The following PCLO variants were observed in gnomAD, a reference collection of about 807,000 sequenced individuals.
The protein encoded by PCLO is piccolo presynaptic cytomatrix protein.
Under a neutral mutation model 427.5 loss-of-function variants are expected in PCLO, and 82 were observed. The observed-to-expected ratio is 0.19, with a 90% confidence interval of 0.16 to 0.23. PCLO has a LOEUF of 0.23. PCLO is among the 10% of genes least tolerant of loss of function. The pLI is 1.00. For synonymous variants in PCLO, 2,357 were observed against 2,155.4 expected (o/e 1.09, Z -2.59); for missense variants, 6,239 against 6,115.9 (o/e 1.02, Z -0.67).
intron 3 of PCLO, among the ~76,000 whole-genome samples, chr7:83,045,957 T>C (rs1789094314): frequency 1.3e-5 from 2 of 152,116 alleles, no homozygotes; most frequent in African/African-American, 2.4e-5. Context: ...CTCATAGTTA[T>C]GGATGTTGGA....
rs923117312 is a variant in PCLO at position 82,809,117 on chromosome 7, CT to C, written c.14792-3289del. ...TGAGCTAAATCTGCATAAAGGCAAA[CT>C]TTTTTTTAACAAATAAAGTGTATTT... On this transcript the variant is annotated intron_variant, in intron 20 of 24. Coordinates refer to ENST00000333891, the MANE Select transcript of PCLO (RefSeq NM_033026.6). Among the ~76,000 whole-genome samples the C allele has an allele frequency of 2.5e-4, 38 of 151,748 alleles. No individual in the cohort carries two copies. The South Asian group carries it at 5.6e-3, about 22-fold the overall frequency.
Position 82,914,888 on chromosome 7 carries a change from A to G in PCLO, c.13098T>C (p.Pro4366=). 1 of 1,613,654 alleles carries G rather than the reference A, an allele frequency of 6.2e-7. No individual in the cohort carries two copies. The highest frequency in any genetic ancestry group is 2.2e-5 in the East Asian group (1 of 44,796). The change falls in exon 7 of 25, where the codon CCT becomes CCC. Residue 4366 remains proline, a synonymous_variant. Coordinates refer to ENST00000333891, the MANE Select transcript of PCLO (RefSeq NM_033026.6). ...QNSEEESPLS[P]VGQPMGMARA... ...TGGCCATTCCCATTGGCTGGCCAAC[A>G]GGACTGAGTGGGCTTTCTTCTTCAG...
At chr7:83,061,692 G>C (rs1178345347) in intron 3 of PCLO, among the ~76,000 whole-genome samples, 1 of 152,024 alleles carries the variant, frequency 6.6e-6, no homozygotes, top group Non-Finnish European at 1.5e-5. Context: ...AAAAAAAATA[G>C]GATCCTTTCT....
intron 6 of PCLO, among the ~76,000 whole-genome samples, chr7:82,936,735 T>C (rs997577983): frequency 1.3e-5 from 2 of 151,610 alleles, no homozygotes; most frequent in African/African-American, 4.8e-5. Flanking sequence ...TATAGAACCA[T>C]TATTCCCAAT....
chr7:82,796,619 T>C (rs1402420677), intron 22 of PCLO, among the ~76,000 whole-genome samples: 1 of 151,840 alleles, frequency 6.6e-6, no homozygotes, highest in Non-Finnish European at 1.5e-5. Context: ...CCAAAGCATA[T>C]AATTTTCCCT....
At chr7:82,965,126 G>T (rs1250744197) in intron 4 of PCLO, among the ~76,000 whole-genome samples, 1 of 151,862 alleles carries the variant, frequency 6.6e-6, no homozygotes, top group Non-Finnish European at 1.5e-5. Context: ...AAAAAGAAAA[G>T]AATATTTTTC....
rs558395858 is a variant in PCLO, at chr7:82,840,397, C to T, written c.14097+1062G>A. On this transcript the variant is annotated intron_variant, in intron 14 of 24. Coordinates refer to ENST00000333891, the MANE Select transcript of PCLO (RefSeq NM_033026.6). ...ATTGATTTCTTTGCCTCAATGTCCT[C>T]CCTTTATAATATTTCTTGTAGGTCA... 4.6e-5 allele frequency among the ~76,000 whole-genome samples: 7 copies of T among 152,130 alleles called. No individual in the cohort carries two copies. The East Asian group carries it at 1.4e-3, about 29-fold the overall frequency.
At chr7:83,035,309 T>G (rs1430150907) in intron 3 of PCLO, among the ~76,000 whole-genome samples, 2 of 152,198 alleles carry the variant, frequency 1.3e-5, no homozygotes, top group South Asian at 2.1e-4. Context: ...TAGTTCAAGG[T>G]TGTATCTTTT....
chr7:82,807,573 C>A (rs1182567130), intron 20 of PCLO, among the ~76,000 whole-genome samples: 3 of 152,056 alleles, frequency 2.0e-5, no homozygotes, highest in Non-Finnish European at 4.4e-5. Flanking sequence ...TAGCTAGGAT[C>A]AAGTCTTGCA....
chr7:82,838,556 C>T (rs1411638857), intron 14 of PCLO, among the ~76,000 whole-genome samples: 2 of 151,750 alleles, frequency 1.3e-5, no homozygotes, highest in Non-Finnish European at 2.9e-5. Context: ...TCATTCTTTC[C>T]ACAGTGAAAA....
intron 9 of PCLO, among the ~76,000 whole-genome samples, chr7:82,899,263 A>G (rs532660084): frequency 6.6e-6 from 1 of 151,568 alleles, no homozygotes; most frequent in South Asian, 2.1e-4. Flanking sequence ...AGTCAATCAA[A>G]GTAGGATTTT....
Position 82,755,447 on chromosome 7 carries a change from T to C in PCLO, c.*3128A>G, listed in dbSNP as rs1243999553. The C allele has an allele frequency of 2.0e-5, 3 of 152,104 alleles. No homozygotes were observed. Among genetic ancestry groups the C allele is most frequent in the African/African-American group, 2.4e-5 (1 of 41,432 alleles). The allele number at this position is 152,104 out of a possible 1,614,324, so 9.4% of individuals were successfully genotyped here. A position where few individuals can be genotyped will look rare whatever the true frequency, so the allele number is the denominator to read the frequency against. ...TTGTGTCTGTAATGACTATTCTATATTCCCTGTCTTTTGTAAAAAATTCAC... is the reference window on the plus strand; with the variant it reads ...TTGTGTCTGTAATGACTATTCTATACTCCCTGTCTTTTGTAAAAAATTCAC... On this transcript the variant is annotated 3_prime_UTR_variant, in exon 25 of 25. Coordinates refer to ENST00000333891, the MANE Select transcript of PCLO (RefSeq NM_033026.6).
chr7:82,811,872 A>G (rs1441346210), intron 20 of PCLO, among the ~76,000 whole-genome samples: 1 of 151,434 alleles, frequency 6.6e-6, no homozygotes, highest in Non-Finnish European at 1.5e-5. Context: ...GATGTCATTG[A>G]CAATTTCTTT....
chr7:82,934,884 C>CTA (rs1794915657), intron 6 of PCLO, among the ~76,000 whole-genome samples: 1 of 151,170 alleles, frequency 6.6e-6, no homozygotes, highest in Non-Finnish European at 1.5e-5. Flanking sequence ...TGATAAATGG[C>CTA]TAATTGTTAT....
At chr7:83,030,134 AG>A (rs71096614) in intron 3 of PCLO, among the ~76,000 whole-genome samples, 21,484 of 130,644 alleles carry the variant, frequency 0.16, 1,920 homozygotes, top group Middle Eastern at 0.28. Flanking sequence ...AAAAAAAAAA[AG>A]AAAAGAAAAG....
chr7:82,924,707 G>GT (rs1794673371), intron 6 of PCLO, among the ~76,000 whole-genome samples: 1 of 151,966 alleles, frequency 6.6e-6, no homozygotes, highest in Admixed American at 6.6e-5. Context: ...TAATTATTTA[G>GT]TTTGAGAAAT....
intron 3 of PCLO, among the ~76,000 whole-genome samples, chr7:82,971,942 A>G (rs1336147153): frequency 1.3e-5 from 2 of 151,746 alleles, no homozygotes; most frequent in African/African-American, 2.4e-5. Context: ...AGTATCATCT[A>G]ATGGTATAAA....
intron 3 of PCLO, among the ~76,000 whole-genome samples, chr7:83,041,229 T>C (rs1437071271): frequency 2.0e-5 from 3 of 152,102 alleles, no homozygotes; most frequent in Non-Finnish European, 4.4e-5. Flanking sequence ...ATGAATTATA[T>C]ATAAAAAGAA....
At chr7:83,112,127 G>C (rs1228302015) in intron 3 of PCLO, among the ~76,000 whole-genome samples, 1 of 152,016 alleles carries the variant, frequency 6.6e-6, no homozygotes, top group African/African-American at 2.4e-5. Flanking sequence ...GCACGATCTT[G>C]GTACCCTGCA....
Sources: gnomAD v4.1 joint callset for allele counts (sites outside exome capture counted in the v4.1 genomes callset) on GRCh38, gnomAD v4.1.1 for gene constraint, MANE v1.5 for transcripts, NCBI Gene and HGNC (gene_info 2026-07-23, HGNC 2026-07-21) for gene names.